Variants in PIAS1 observed in about 807,000 individuals in gnomAD.
PIAS1 encodes protein inhibitor of activated STAT 1.
Under a neutral mutation model 71.3 loss-of-function variants are expected in PIAS1, and 6 were observed. The observed-to-expected ratio is 0.08, with a 90% CI of 0.05 to 0.17. PIAS1 has a LOEUF of 0.17. Ranked by LOEUF, PIAS1 falls within the 10% of genes least tolerant of loss-of-function variation. The pLI is 1.00. For synonymous variants in PIAS1, 303 were observed against 292.9 expected (o/e 1.03, Z -0.35); for missense variants, 555 against 793.6 (o/e 0.70, Z 3.61).
intron 10 of PIAS1, among the ~76,000 whole-genome samples, chr15:68,176,129 G>A (rs2093018770): frequency 6.6e-6 from 1 of 151,902 alleles, no homozygotes; most frequent in African/African-American, 2.4e-5. Flanking sequence ...TTGCTGTAAA[G>A]ACACTATGAG....
At position 68,054,375 on chromosome 15, in the gene PIAS1, C is replaced by G; in HGVS notation, c.24+25C>G. The G allele has an allele frequency of 6.4e-7, 1 of 1,563,480 alleles. No homozygotes were observed. The highest frequency in any genetic ancestry group is 8.7e-7 in the Non-Finnish European group (1 of 1,154,286). On this transcript the variant is annotated intron_variant, in intron 1 of 13. Coordinates refer to ENST00000249636, the MANE Select transcript of PIAS1 (RefSeq NM_016166.3). The surrounding 1 kb of genome is among the most constrained non-coding windows in gnomAD (Gnocchi z 4.6). ...GGTAAAGCGCAGCTCGAATTCACTT[C>G]TAATATTCGGCCGCGGAGACGGCGC...
chr15:68,096,311 A>G (rs1332561226), intron 2 of PIAS1, among the ~76,000 whole-genome samples: 2 of 152,128 alleles, frequency 1.3e-5, no homozygotes, highest in East Asian at 1.9e-4. Context: ...TCAAGACCAC[A>G]CTGTTTTGAT....
chr15:68,125,153 TTTC>T (rs757729946), intron 2 of PIAS1, among the ~76,000 whole-genome samples: 1 of 152,158 alleles, frequency 6.6e-6, no homozygotes, highest in Non-Finnish European at 1.5e-5. Context: ...GTCATTTTCT[TTTC>T]TTTTTTTTTC....
chr15:68,097,564 C>G (rs530054965), intron 2 of PIAS1, among the ~76,000 whole-genome samples: 1 of 152,254 alleles, frequency 6.6e-6, no homozygotes, highest in South Asian at 2.1e-4. Flanking sequence ...TCCCAAGTAG[C>G]TGGGACTACA....
intron 2 of PIAS1, among the ~76,000 whole-genome samples, chr15:68,097,883 T>A (rs2092390153): frequency 6.6e-6 from 1 of 152,256 alleles, no homozygotes; most frequent in South Asian, 2.1e-4. Context: ...CCAGATGACC[T>A]ATGCTACCTC....
intron 2 of PIAS1, among the ~76,000 whole-genome samples, chr15:68,134,642 G>A (rs1301276129): frequency 3.2e-5 from 1 of 31,546 alleles, no homozygotes; most frequent in Non-Finnish European, 1.4e-4. Flanking sequence ...CCTCCCTCCC[G>A]GACGGGGCGG....
chr15:68,180,152 AG>A (rs1488170090), intron 11 of PIAS1, among the ~76,000 whole-genome samples: 1 of 152,044 alleles, frequency 6.6e-6, no homozygotes, highest in East Asian at 1.9e-4. Flanking sequence ...CCCAGGCTTG[AG>A]TGCAGTGGTG....
intron 2 of PIAS1, among the ~76,000 whole-genome samples, chr15:68,098,499 T>A (rs1171534890): frequency 6.6e-6 from 1 of 152,192 alleles, no homozygotes; most frequent in Non-Finnish European, 1.5e-5. Flanking sequence ...ACAGTTAAAA[T>A]CTGTGTTGTT....
At chr15:68,116,940 A>G (rs1440515958) in intron 2 of PIAS1, among the ~76,000 whole-genome samples, 2 of 152,182 alleles carry the variant, frequency 1.3e-5, no homozygotes, top group Non-Finnish European at 2.9e-5. Context: ...ATGGCGTACA[A>G]TGTGATGTTT....
At chr15:68,057,905 G>A (rs1185542666) in intron 1 of PIAS1, among the ~76,000 whole-genome samples, 3 of 152,076 alleles carry the variant, frequency 2.0e-5, no homozygotes, top group African/African-American at 4.8e-5. Context: ...TTTTCTCCTG[G>A]GCGATCCCAT....
intron 1 of PIAS1, among the ~76,000 whole-genome samples, chr15:68,067,663 GGTA>G (rs999349795): frequency 5.9e-5 from 9 of 151,898 alleles, no homozygotes; most frequent in Admixed American, 2.6e-4. Flanking sequence ...TATATTGAGT[GGTA>G]GTAGAAATCG....
intron 2 of PIAS1, among the ~76,000 whole-genome samples, chr15:68,102,827 C>T (rs1320771268): frequency 6.6e-6 from 1 of 152,068 alleles, no homozygotes; most frequent in East Asian, 1.9e-4. Context: ...ATTTCTTAAC[C>T]ATCTGCCTGC....
At chr15:68,128,270 G>A (rs1435510129) in intron 2 of PIAS1, among the ~76,000 whole-genome samples, 1 of 152,154 alleles carries the variant, frequency 6.6e-6, no homozygotes, top group Non-Finnish European at 1.5e-5. Flanking sequence ...AGGCTCAGGT[G>A]ATCCTCCTGC....
At chr15:68,183,524 G>C in intron 12 of PIAS1, 106 bp from the exon 13 acceptor site, 2 of 593,712 alleles carry the variant, frequency 3.4e-6, no homozygotes, top group Non-Finnish European at 6.2e-6. Context: ...ATAAAATTCT[G>C]AGTGACATAG....
In PIAS1 at chr15:68,178,833, C is replaced by A. The variant is rs2093035617; in HGVS notation, c.1481+2179C>A. Among the ~76,000 whole-genome samples the A allele has an allele frequency of 6.6e-6, 1 of 151,938 alleles. No homozygotes were observed. The highest frequency in any genetic ancestry group is 1.5e-5 in the Non-Finnish European group (1 of 67,946). ...AGAAAACATTTGAGTGTTTAGGAAT[C>A]TAATATTTCTTCTTTGGATATTTAC... On this transcript the variant is annotated intron_variant, in intron 11 of 13. Coordinates refer to ENST00000249636, the MANE Select transcript of PIAS1 (RefSeq NM_016166.3). The surrounding 1 kb of genome is among the most constrained non-coding windows in gnomAD (Gnocchi z 4.2).
chr15:68,123,665 G>A (rs2092628856), intron 2 of PIAS1, among the ~76,000 whole-genome samples: 1 of 152,008 alleles, frequency 6.6e-6, no homozygotes, highest in Non-Finnish European at 1.5e-5. Flanking sequence ...GAAACAATTT[G>A]CTTAGAAACT....
At chr15:68,138,175 G>T (rs1567059552) in intron 2 of PIAS1, among the ~76,000 whole-genome samples, 1 of 152,130 alleles carries the variant, frequency 6.6e-6, no homozygotes, top group East Asian at 1.9e-4. Context: ...AATAACCAAA[G>T]AAATAAAGCT....
At chr15:68,111,624 A>T (rs1340078784) in intron 2 of PIAS1, among the ~76,000 whole-genome samples, 2 of 152,190 alleles carry the variant, frequency 1.3e-5, no homozygotes, top group East Asian at 3.8e-4. Context: ...ATGAAATAGT[A>T]TCAGAGGAAA....
intron 1 of PIAS1, among the ~76,000 whole-genome samples, chr15:68,083,156 A>G (rs1226360883): frequency 6.6e-6 from 1 of 152,132 alleles, no homozygotes; most frequent in Non-Finnish European, 1.5e-5. Context: ...TGTGCTAACA[A>G]ATGGAGATTT....
Sources: gnomAD v4.1 joint callset for allele counts (sites outside exome capture counted in the v4.1 genomes callset) on GRCh38, gnomAD v4.1.1 for gene constraint, Gnocchi (gnomAD v3.1) non-coding constraint, MANE v1.5 for transcripts, NCBI Gene and HGNC (gene_info 2026-07-23, HGNC 2026-07-21) for gene names.